The following CORIN variants were observed in gnomAD, a reference collection of about 807,000 sequenced individuals.
The protein encoded by CORIN is corin, serine peptidase.
CORIN carries 117 observed loss-of-function variants against 125.3 expected under a neutral mutation model. The ratio of observed to expected loss-of-function variants is 0.93; its 90% CI spans 0.80 to 1.09. The LOEUF (loss-of-function observed/expected upper bound fraction) is 1.09. CORIN is among the 50% of genes least tolerant of loss of function. The pLI is 0.00. For missense variants in CORIN, 1,253 were observed against 1,306.7 expected, an observed-to-expected ratio of 0.96 and a Z score of 0.63; for synonymous variants, 450 against 466.4, an observed-to-expected ratio of 0.96 and a Z score of 0.45.
At chr4:47,807,147 AG>A in intron 1 of CORIN, 100 bp from the exon 2 acceptor site, 1 of 878,294 alleles carries the variant, frequency 1.1e-6, no homozygotes, top group Non-Finnish European at 1.7e-6. Context: ...CATTCCAAAA[AG>A]ATTTTACAGT....
chr4:47,757,156 T>A, intron 4 of CORIN, among the ~76,000 whole-genome samples: 1 of 151,028 alleles, frequency 6.6e-6, no homozygotes, highest in South Asian at 2.1e-4. Flanking sequence ...GAAAAATATA[T>A]TTGACTTTAG....
chr4:47,692,746 G>A (rs1402174059), intron 6 of CORIN, among the ~76,000 whole-genome samples: 3 of 152,024 alleles, frequency 2.0e-5, no homozygotes, highest in Non-Finnish European at 2.9e-5. Flanking sequence ...GTGCAAAAAC[G>A]CTGCAATCCC....
At chr4:47,624,676 G>T (rs1722477929) in intron 17 of CORIN, among the ~76,000 whole-genome samples, 2 of 152,118 alleles carry the variant, frequency 1.3e-5, no homozygotes, top group Non-Finnish European at 2.9e-5. Flanking sequence ...TTGAATGCAA[G>T]AACATGGTCC....
At position 47,614,388 on chromosome 4, in the gene CORIN, G is replaced by A. The variant is rs538334536; in HGVS notation, c.2540+9183C>T. Among the ~76,000 whole-genome samples, 20 of 152,124 alleles carry A rather than the reference G, an allele frequency of 1.3e-4. No individual in the cohort carries two copies. In the East Asian group the frequency reaches 1.9e-3, roughly 15 times the overall value. ...TTTTTTCTATTTTCAGTAGAGATGC[G>A]GTTTCACCATATTTTATCCAGGCTG... On this transcript the variant is annotated intron_variant, in intron 19 of 21. Coordinates refer to ENST00000273857, the MANE Select transcript of CORIN (RefSeq NM_006587.4).
At chr4:47,604,958 A>ACC (rs1408187943) in intron 19 of CORIN, among the ~76,000 whole-genome samples, 1 of 152,156 alleles carries the variant, frequency 6.6e-6, no homozygotes, top group Non-Finnish European at 1.5e-5. Flanking sequence ...GAGGCCCTAC[A>ACC]CCATATGTTC....
At position 47,600,273 on chromosome 4, in the gene CORIN, T is replaced by C; in HGVS notation, c.2887A>G (p.Thr963Ala). The C allele has an allele frequency of 6.2e-7, 1 of 1,613,838 alleles. No individual in the cohort carries two copies. Among genetic ancestry groups the C allele is most frequent in the Non-Finnish European group, 8.5e-7 (1 of 1,179,840 alleles). The change falls in exon 21 of 22, where the codon ACC (threonine) becomes GCC (alanine). Residue 963 changes from threonine to alanine, a missense_variant. Transcript: ENST00000273857. ...EHCQSYFDMK[T>A]ITTRMICAGY... is the part of the protein sequence containing the mutation. ...GCACATATCATCCGAGTGGTGATGG[T>C]CTTCATGTCAAAGTAGGACTGACAA...
intron 12 of CORIN, among the ~76,000 whole-genome samples, chr4:47,658,771 A>G (rs1193881562): frequency 1.3e-5 from 2 of 152,178 alleles, no homozygotes; most frequent in Admixed American, 1.3e-4. Flanking sequence ...TGGTTATACA[A>G]ATTTCTCCAG....
chr4:47,765,499 T>C (rs113148467), intron 3 of CORIN, among the ~76,000 whole-genome samples: 119 of 152,338 alleles, frequency 7.8e-4, no homozygotes, highest in African/African-American at 2.7e-3. Flanking sequence ...AAGTAACCTG[T>C]ACATATGCCT....
chr4:47,742,322 G>A (rs1728444198), intron 5 of CORIN, among the ~76,000 whole-genome samples: 1 of 151,794 alleles, frequency 6.6e-6, no homozygotes, highest in South Asian at 2.1e-4. Flanking sequence ...AAAGCAGAAT[G>A]ACTGAAAAGG....
chr4:47,827,960 A>G (rs1448476844), intron 1 of CORIN, among the ~76,000 whole-genome samples: 1 of 152,170 alleles, frequency 6.6e-6, no homozygotes. Flanking sequence ...CCTCAGAGAA[A>G]CCAGAGCTAT....
At position 47,756,444 on chromosome 4, in the gene CORIN, C is replaced by G. The variant is rs557797275; in HGVS notation, c.617+6935G>C. Among the ~76,000 whole-genome samples the G allele has an allele frequency of 5.3e-5, 8 of 152,274 alleles. No individual in the cohort carries two copies. The South Asian group carries it at 1.5e-3, about 28-fold the overall frequency. On this transcript the variant is annotated intron_variant, in intron 4 of 21. Transcript: ENST00000273857. ...GAAATTCTTTAATCTTCAGTGAACACACATAATATAAAATTTGGGTAACAG... is the reference window on the plus strand; with the variant it reads ...GAAATTCTTTAATCTTCAGTGAACAGACATAATATAAAATTTGGGTAACAG...
At chr4:47,630,160 A>C (rs1722752390) in intron 16 of CORIN, among the ~76,000 whole-genome samples, 2 of 152,234 alleles carry the variant, frequency 1.3e-5, no homozygotes, top group South Asian at 4.1e-4. Context: ...CTTCGCCTAC[A>C]TGCAAAAGTA....
At chr4:47,676,715 T>C (rs1285407976) in intron 9 of CORIN, among the ~76,000 whole-genome samples, 2 of 152,208 alleles carry the variant, frequency 1.3e-5, no homozygotes, top group African/African-American at 2.4e-5. Context: ...ATCTGTTTTA[T>C]CATATGACTT....
chr4:47,765,195 C>T (rs970048424), intron 3 of CORIN, among the ~76,000 whole-genome samples: 10 of 150,302 alleles, frequency 6.7e-5, no homozygotes, highest in African/African-American at 2.2e-4. Flanking sequence ...TTGTGGGGGG[C>T]GTGGTGGCGG....
chr4:47,713,809 G>T (rs1179136935), intron 5 of CORIN, among the ~76,000 whole-genome samples: 1 of 151,700 alleles, frequency 6.6e-6, no homozygotes, highest in Non-Finnish European at 1.5e-5. Flanking sequence ...AAATAAAAGT[G>T]AACAAGCTCC....
At chr4:47,642,109 A>G (rs1723256982) in intron 15 of CORIN, 60 bp from the exon 16 acceptor site, 1 of 1,542,438 alleles carries the variant, frequency 6.5e-7, no homozygotes, top group Non-Finnish European at 8.9e-7. Context: ...ATGAAAGCAC[A>G]TAACTTTACA....
At chr4:47,801,723 G>C (rs1381931753) in intron 2 of CORIN, among the ~76,000 whole-genome samples, 1 of 152,206 alleles carries the variant, frequency 6.6e-6, no homozygotes, top group African/African-American at 2.4e-5. Flanking sequence ...AGGCCAAAGG[G>C]TAATTGCCCA....
chr4:47,622,216 G>A (rs1385095735), intron 19 of CORIN, among the ~76,000 whole-genome samples: 13 of 152,022 alleles, frequency 8.6e-5, no homozygotes, highest in Non-Finnish European at 1.5e-4. Flanking sequence ...TCTATGGTGT[G>A]TATGTGCTAC....
At chr4:47,608,075 CTT>C (rs1440435659) in intron 19 of CORIN, among the ~76,000 whole-genome samples, 9 of 152,132 alleles carry the variant, frequency 5.9e-5, no homozygotes, top group Admixed American at 4.6e-4. Flanking sequence ...AATAACAGCA[CTT>C]TGGGAGGCTG....
Sources: gnomAD v4.1 joint callset for allele counts (sites outside exome capture counted in the v4.1 genomes callset) on GRCh38, gnomAD v4.1.1 for gene constraint, MANE v1.5 for transcripts, NCBI Gene and HGNC (gene_info 2026-07-23, HGNC 2026-07-21) for gene names.